Variants in CLUL1 observed in about 807,000 individuals in gnomAD.
CLUL1 encodes clusterin like 1, also known as clusterin-like protein 1.
A neutral mutation model predicts 49.4 loss-of-function variants in CLUL1; 43 were observed. The observed-to-expected ratio is 0.87, with a 90% CI of 0.68 to 1.12. The LOEUF (loss-of-function observed/expected upper bound fraction) is 1.12. Among genes scored for constraint, CLUL1 ranks in the 50% most tolerant of loss-of-function variants. The pLI, the probability that CLUL1 is intolerant of heterozygous loss-of-function variation, is 0.00. For synonymous variants in CLUL1, 192 were observed against 184.9 expected, an observed-to-expected ratio of 1.04 and a Z score of -0.31; for missense variants, 486 against 544.4, an observed-to-expected ratio of 0.89 and a Z score of 1.07.
At chr18:639,341 G>T (rs111262693) in intron 7 of CLUL1, among the ~76,000 whole-genome samples, 13,354 of 146,298 alleles carry the variant, frequency 0.091, 673 homozygotes, top group East Asian at 0.2. Flanking sequence ...TGAGGCAGGA[G>T]AATTGTTTGA....
intron 2 of CLUL1, among the ~76,000 whole-genome samples, chr18:608,662 G>A (rs973712212): frequency 6.6e-5 from 10 of 152,114 alleles, no homozygotes; most frequent in African/African-American, 2.4e-4. Flanking sequence ...AGGCTGCAGT[G>A]AACCATGATC....
Position 603,406 on chromosome 18 carries a change from G to A in CLUL1, c.-135-3572G>A, listed in dbSNP as rs865875551. ...GCAGAAGTAGGGAGGTAAATGAGGAGACAAATACAAAGGAAGAAAATGCAC... is the reference window on the plus strand; with the variant it reads ...GCAGAAGTAGGGAGGTAAATGAGGAAACAAATACAAAGGAAGAAAATGCAC... On this transcript the variant is annotated intron_variant, in intron 1 of 9. Transcript: ENST00000692774. Among the ~76,000 whole-genome samples the A allele has an allele frequency of 3.1e-4, 47 of 152,134 alleles. 1 individual carries two copies. In the Middle Eastern group the frequency reaches 0.021, roughly 67 times the overall value.
At chr18:628,914 T>A (rs1007822733) in intron 6 of CLUL1, among the ~76,000 whole-genome samples, 1 of 152,074 alleles carries the variant, frequency 6.6e-6, no homozygotes, top group Non-Finnish European at 1.5e-5. Flanking sequence ...ATTACAAGCA[T>A]GAGCCACCAC....
intron 7 of CLUL1, among the ~76,000 whole-genome samples, chr18:640,021 C>T (rs1156767555): frequency 3.9e-5 from 6 of 152,052 alleles, no homozygotes; most frequent in Admixed American, 6.5e-5. Context: ...TTCTATCAGA[C>T]CAAAATAATT....
At chr18:647,614 C>T (rs1449195108) in intron 9 of CLUL1, among the ~76,000 whole-genome samples, 1 of 152,108 alleles carries the variant, frequency 6.6e-6, no homozygotes, top group Non-Finnish European at 1.5e-5. Flanking sequence ...ATCTGGCTGG[C>T]CCAGCTGGGA....
Position 645,117 on chromosome 18 carries a change from AG to A in CLUL1, c.1397+22del. ...AACCTGGTAAGCAGAGTGCCTGGTT[AG>A]GAATGCCTTGTTGACAGGAATAGTT... On this transcript the variant is annotated intron_variant, in intron 9 of 9. Transcript: ENST00000692774. The A allele has an allele frequency of 6.5e-7, 1 of 1,543,492 alleles. No individual in the cohort carries two copies.
At chr18:604,134 G>A (rs1426625216) in intron 1 of CLUL1, among the ~76,000 whole-genome samples, 1 of 152,180 alleles carries the variant, frequency 6.6e-6, no homozygotes, top group Non-Finnish European at 1.5e-5. Flanking sequence ...AACCGCCTTG[G>A]CCTCCCAAAA....
chr18:639,175 C>T (rs188334364), intron 7 of CLUL1, among the ~76,000 whole-genome samples: 1 of 152,066 alleles, frequency 6.6e-6, no homozygotes, highest in Admixed American at 6.6e-5. Context: ...GCCTGTAATC[C>T]CAGCATTTTG....
intron 7 of CLUL1, among the ~76,000 whole-genome samples, chr18:635,111 A>G (rs780776420): frequency 2.6e-5 from 4 of 152,216 alleles, no homozygotes; most frequent in Non-Finnish European, 5.9e-5. Context: ...TCAGTTGAGT[A>G]ATTTGTAAAT....
At chr18:598,503 G>A (rs2072723981) in intron 1 of CLUL1, 1 of 398,488 alleles carries the variant, frequency 2.5e-6, no homozygotes, top group Admixed American at 4.4e-5. Context: ...CCTCTAGGCA[G>A]TATCAGCTAA....
intron 8 of CLUL1, among the ~76,000 whole-genome samples, chr18:642,588 G>GC (rs1378201588): frequency 2.6e-5 from 4 of 151,994 alleles, no homozygotes. Flanking sequence ...CTACAAATGC[G>GC]CCAGGCTAGT....
chr18:643,418 G>A (rs1469438199), intron 8 of CLUL1, among the ~76,000 whole-genome samples: 5 of 152,140 alleles, frequency 3.3e-5, no homozygotes, highest in Non-Finnish European at 7.3e-5. Flanking sequence ...CAATATATTT[G>A]ATCATCCTCG....
At chr18:645,719 G>A (rs1267713329) in intron 9 of CLUL1, among the ~76,000 whole-genome samples, 1 of 144,462 alleles carries the variant, frequency 6.9e-6, no homozygotes, top group Non-Finnish European at 1.5e-5. Context: ...GCGTGAACCC[G>A]GGAGGCAGAG....
rs568120280 is a variant in CLUL1 at position 641,445 on chromosome 18, C to T, written c.1113C>T (p.Thr371=). ...LQMTRKHLED[T]AYLVEKMRGQ... The stretch of plus-strand genomic sequence containing the variant: ...TGACCCGGAAGCACTTGGAGGACAC[C>T]GCCTATCTGGTGGAGAAGATGAGAG... Residue 371 remains threonine (T), a synonymous_variant, in exon 8 of 10, where the codon ACC becomes ACT. Transcript: ENST00000692774. 8.7e-6 allele frequency: 14 copies of T among 1,614,164 alleles called. No homozygotes were observed. The highest frequency in any genetic ancestry group is 1.6e-4 in the Middle Eastern group (1 of 6,062).
chr18:608,446 A>G (rs2073042362), intron 2 of CLUL1, among the ~76,000 whole-genome samples: 1 of 142,736 alleles, frequency 7.0e-6, no homozygotes, highest in Non-Finnish European at 1.5e-5. Context: ...TAGTTTTAAA[A>G]ATTATTCACT....
rs548845222 is a variant in CLUL1, at chr18:606,243, A to G, written c.-135-735A>G. On this transcript the variant is annotated intron_variant, in intron 1 of 9. Coordinates refer to ENST00000692774, the MANE Select transcript of CLUL1 (RefSeq NM_001393344.1). The surrounding 1 kb of genome is among the most constrained non-coding windows in gnomAD (Gnocchi z 4.1). ...TACCACCACAGTGCAGACCCACAAC[A>G]GGGAGAAGGACGGCCACAGTCCCTC... Among the ~76,000 whole-genome samples the G allele has an allele frequency of 6.6e-5, 10 of 152,276 alleles. No individual in the cohort carries two copies. In the South Asian group the frequency reaches 2.1e-3, roughly 32 times the overall value.
intron 6 of CLUL1, among the ~76,000 whole-genome samples, chr18:628,855 A>G (rs895313850): frequency 3.3e-5 from 5 of 151,268 alleles, no homozygotes; most frequent in Admixed American, 6.6e-5. Flanking sequence ...CTGGTCTCGA[A>G]CTCCTGACCT....
chr18:641,906 T>C (rs906280701), intron 8 of CLUL1, among the ~76,000 whole-genome samples: 7 of 152,164 alleles, frequency 4.6e-5, no homozygotes, highest in Non-Finnish European at 8.8e-5. Context: ...CTCTGAAACT[T>C]ACCAGCTGAG....
chr18:649,598 C>T, intron 9 of CLUL1: 2 of 244,960 alleles, frequency 8.2e-6, no homozygotes, highest in Non-Finnish European at 1.5e-5. Context: ...CAGAAGTTTA[C>T]TGACCAAACA....
Sources: allele counts gnomAD v4.1 joint callset (sites outside exome capture counted in the v4.1 genomes callset), GRCh38; gene constraint gnomAD v4.1.1; non-coding constraint Gnocchi (gnomAD v3.1); transcripts MANE v1.5; gene names NCBI Gene and HGNC (gene_info 2026-07-23, HGNC 2026-07-21).